Variants in SNX29 observed in about 807,000 individuals in gnomAD.
The protein encoded by SNX29 is sorting nexin 29.
A neutral mutation model predicts 102.1 loss-of-function variants in SNX29; 78 were observed. That is an observed-to-expected ratio of 0.76 (90% CI 0.64 to 0.92). The LOEUF (loss-of-function observed/expected upper bound fraction) is 0.92, where lower values mean the gene tolerates loss of function less well. Ranked by LOEUF, SNX29 falls within the 40% of genes least tolerant of loss-of-function variation. The pLI is 0.00. For missense variants in SNX29, 1,280 were observed against 1,061.7 expected, an observed-to-expected ratio of 1.21 and a Z score of -2.86; for synonymous variants, 580 against 414.5, an observed-to-expected ratio of 1.40 and a Z score of -4.85.
intron 14 of SNX29, among the ~76,000 whole-genome samples, chr16:12,209,835 C>A (rs2077136716): frequency 6.6e-6 from 1 of 152,192 alleles, no homozygotes; most frequent in South Asian, 2.1e-4. Context: ...GACTTTAGGA[C>A]ACTGGCCCTC....
intron 18 of SNX29, among the ~76,000 whole-genome samples, chr16:12,438,327 C>T (rs1191214166): frequency 2.0e-5 from 3 of 152,160 alleles, no homozygotes; most frequent in Non-Finnish European, 4.4e-5. Context: ...TTTGAGAGCT[C>T]AGCTGGGTTC....
chr16:12,374,769 G>A (rs2082813538), intron 16 of SNX29: 1 of 152,144 alleles, frequency 6.6e-6, no homozygotes, highest in African/African-American at 2.4e-5. Flanking sequence ...TCAGCTGCAG[G>A]AGAATCTCTT....
chr16:12,465,838 G>C (rs1597477603), intron 18 of SNX29, among the ~76,000 whole-genome samples: 1 of 141,868 alleles, frequency 7.0e-6, no homozygotes, highest in African/African-American at 2.5e-5. Context: ...ATTTGTTTGT[G>C]TTTTTTTTTT....
At position 12,181,986 on chromosome 16, in the gene SNX29, C is replaced by T. The variant is rs377118884; in HGVS notation, c.1596-17615C>T. On this transcript the variant is annotated intron_variant, in intron 13 of 20. Coordinates refer to ENST00000566228, the MANE Select transcript of SNX29 (RefSeq NM_032167.5). ...GCAACCTGTGCCTCTGGGGTTCAAG[C>T]GATTCTCCTGCCTCACTGTTCTAAG... is the stretch of plus-strand genomic sequence containing the variant. Among the ~76,000 whole-genome samples, 14 of 151,766 alleles carry T rather than the reference C, an allele frequency of 9.2e-5. No homozygotes were observed. In the East Asian group the frequency reaches 1.2e-3, roughly 13 times the overall value.
At chr16:12,229,479 T>G (rs2077708869) in intron 14 of SNX29, among the ~76,000 whole-genome samples, 1 of 152,038 alleles carries the variant, frequency 6.6e-6, no homozygotes, top group Non-Finnish European at 1.5e-5. Flanking sequence ...CCAGCATGAG[T>G]TTTTGCCAAT....
intron 13 of SNX29, among the ~76,000 whole-genome samples, chr16:12,184,173 A>T (rs575685396): frequency 6.6e-6 from 1 of 152,194 alleles, no homozygotes; most frequent in African/African-American, 2.4e-5. Flanking sequence ...TTTCTGTAAT[A>T]GTATTATGCT....
intron 13 of SNX29, among the ~76,000 whole-genome samples, chr16:12,183,481 A>T (rs1384327948): frequency 6.6e-6 from 1 of 152,176 alleles, no homozygotes; most frequent in East Asian, 1.9e-4. Flanking sequence ...ACAGAGATAC[A>T]TACTGTGTAT....
intron 12 of SNX29, among the ~76,000 whole-genome samples, chr16:12,127,266 A>T (rs555814779): frequency 9.7e-4 from 148 of 151,942 alleles, no homozygotes; most frequent in African/African-American, 2.5e-3. Context: ...CTCAAAAAAA[A>T]AAAATAAAAT....
At position 12,574,031 on chromosome 16, in the gene SNX29, G is replaced by GA. The variant is rs1308403794; in HGVS notation, c.*5403dup. On this transcript the variant is annotated 3_prime_UTR_variant, in exon 21 of 21. Transcript: ENST00000566228. ...TAAGGGTAAGCAGGCCACATATCTA[G>GA]AGTCTGATAGTCTGTGTGTACATAA... 5.1e-6 allele frequency: 1 copy of GA among 195,150 alleles called. No individual in the cohort carries two copies. Among genetic ancestry groups the GA allele is most frequent in the Non-Finnish European group, 1.1e-5 (1 of 93,870 alleles). 12.1% of individuals were successfully genotyped at this position (195,150 alleles called of 1,614,324 possible).
At chr16:11,995,216 TCAC>T (rs917711384) in intron 1 of SNX29, among the ~76,000 whole-genome samples, 1 of 152,096 alleles carries the variant, frequency 6.6e-6, no homozygotes, top group African/African-American at 2.4e-5. Context: ...CAGGCGCCCG[TCAC>T]CACACCTGGC....
chr16:12,552,916 G>A (rs2078076219), intron 20 of SNX29, among the ~76,000 whole-genome samples: 1 of 152,258 alleles, frequency 6.6e-6, no homozygotes, highest in Non-Finnish European at 1.5e-5. Flanking sequence ...GGGCAGCAGA[G>A]CTGATTGCTC....
chr16:11,990,985 G>T (rs1180885958), intron 1 of SNX29, among the ~76,000 whole-genome samples: 1 of 152,220 alleles, frequency 6.6e-6, no homozygotes, highest in Non-Finnish European at 1.5e-5. Context: ...GGCAGAGTTG[G>T]GTAGTGACAG....
intron 19 of SNX29, among the ~76,000 whole-genome samples, chr16:12,478,760 A>G (rs1375434830): frequency 6.6e-6 from 1 of 152,152 alleles, no homozygotes; most frequent in Non-Finnish European, 1.5e-5. Context: ...TTTGAAAACC[A>G]CTGAGGACTG....
intron 13 of SNX29, among the ~76,000 whole-genome samples, chr16:12,144,740 G>T (rs2054993676): frequency 6.6e-6 from 1 of 152,182 alleles, no homozygotes; most frequent in Non-Finnish European, 1.5e-5. Context: ...TTATTTTTTT[G>T]AGACGGAGTC....
intron 14 of SNX29, among the ~76,000 whole-genome samples, chr16:12,211,566 G>A (rs1474969484): frequency 6.6e-6 from 1 of 151,672 alleles, no homozygotes; most frequent in Non-Finnish European, 1.5e-5. Context: ...GGGTGTGTGT[G>A]TGTGTGTCTG....
At chr16:12,524,000 C>T (rs556930815) in intron 19 of SNX29, among the ~76,000 whole-genome samples, 7 of 152,246 alleles carry the variant, frequency 4.6e-5, no homozygotes, top group African/African-American at 1.7e-4. Context: ...GATTGTCCTG[C>T]CTCAGCCAAG....
chr16:12,069,173 T>A (rs1324399477), intron 10 of SNX29, 41 bp downstream of exon 10: 1 of 1,535,008 alleles, frequency 6.5e-7, no homozygotes, highest in Non-Finnish European at 9.0e-7. Flanking sequence ...CATTAAAACA[T>A]CCTATTCACA....
At chr16:12,336,146 C>T (rs531383837) in intron 15 of SNX29, among the ~76,000 whole-genome samples, 9 of 151,788 alleles carry the variant, frequency 5.9e-5, no homozygotes, top group East Asian at 3.9e-4. Flanking sequence ...CACCACAGAC[C>T]CAGAGACATT....
chr16:12,209,732 C>A (rs1293765252), intron 14 of SNX29, among the ~76,000 whole-genome samples: 1 of 152,220 alleles, frequency 6.6e-6, no homozygotes, highest in South Asian at 2.1e-4. Context: ...CAGCCCTCCT[C>A]GGTCAATAGC....
Sources: gnomAD v4.1 joint callset for allele counts (sites outside exome capture counted in the v4.1 genomes callset) on GRCh38, gnomAD v4.1.1 for gene constraint, MANE v1.5 for transcripts, NCBI Gene and HGNC (gene_info 2026-07-23, HGNC 2026-07-21) for gene names.